Variants in SDK2 observed in about 807,000 individuals in gnomAD.
The protein encoded by SDK2 is protein sidekick-2.
In SDK2, 105 loss-of-function variants were observed where a neutral mutation model predicts 253.9. That is an observed-to-expected ratio of 0.41 (90% CI 0.35 to 0.49). The LOEUF is 0.49. Among genes scored for constraint, SDK2 ranks in the 20% least tolerant of loss-of-function variants. The probability of loss-of-function intolerance (pLI) is 0.06; values close to 1 mark genes in which losing one functional copy is unlikely to be tolerated. For synonymous variants in SDK2, 1,249 were observed against 1,234.9 expected (o/e 1.01, Z -0.24); for missense variants, 2,608 against 3,003.0 (o/e 0.87, Z 3.07).
intron 18 of SDK2, among the ~76,000 whole-genome samples, chr17:73,414,039 TCTC>T (rs2063160065): frequency 2.0e-5 from 3 of 151,652 alleles, no homozygotes; most frequent in Non-Finnish European, 4.4e-5. Context: ...TTCTTCTTTT[TCTC>T]TCTCTCTTCT....
intron 2 of SDK2, among the ~76,000 whole-genome samples, chr17:73,477,374 G>A (rs951460220): frequency 6.6e-6 from 1 of 152,082 alleles, no homozygotes; most frequent in Admixed American, 6.6e-5. Flanking sequence ...GGAGCTGAAG[G>A]GTCCACACCT....
In SDK2 at chr17:73,398,306, G is replaced by C. The variant is rs779417469; in HGVS notation, c.3203+14C>G. 6.2e-7 allele frequency: 1 copy of C among 1,612,892 alleles called. No homozygotes were observed. Among genetic ancestry groups the C allele is most frequent in the Admixed American group, 1.7e-5 (1 of 60,012 alleles). ...CCTGAGGCTGCTGCCTTCTCCCCGG[G>C]CCAGTCTCATTACCTGTAGCAGGTG... On this transcript the variant is annotated intron_variant, in intron 23 of 44. Transcript: ENST00000392650.
intron 36 of SDK2, among the ~76,000 whole-genome samples, chr17:73,373,721 A>T (rs776864960): frequency 6.6e-5 from 10 of 152,074 alleles, no homozygotes; most frequent in South Asian, 2.1e-4. Flanking sequence ...CAGTGGCATG[A>T]TATGGGTTCA....
chr17:73,405,500 ATATATATATATAT>A lies in SDK2; in HGVS notation c.2485-3372_2485-3360del, dbSNP rs1568385719. 8.5e-3 allele frequency among the ~76,000 whole-genome samples: 852 copies of A among 99,816 alleles called. 144 individuals are homozygous for A. The highest frequency in any genetic ancestry group is 0.014 in the Non-Finnish European group (703 of 49,302). The allele number at this position is 99,816 out of a possible 152,430, so 65.5% of individuals were successfully genotyped here. A position where few individuals can be genotyped will look rare whatever the true frequency, so the allele number is the denominator to read the frequency against. ...TATATATATATATATATATATATAT[ATATATATATATAT>A]ATATAAAGATCGAGAATGTGGAAAG... On this transcript the variant is annotated intron_variant, in intron 18 of 44. Transcript: ENST00000392650.
intron 1 of SDK2, among the ~76,000 whole-genome samples, chr17:73,572,280 C>T (rs577087648): frequency 6.6e-6 from 1 of 152,238 alleles, no homozygotes; most frequent in Non-Finnish European, 1.5e-5. Flanking sequence ...TCCCTCCCTC[C>T]CCACTTTGTC....
chr17:73,543,044 A>G (rs2044895486), intron 1 of SDK2, among the ~76,000 whole-genome samples: 1 of 152,160 alleles, frequency 6.6e-6, no homozygotes, highest in African/African-American at 2.4e-5. Context: ...TCCAGGGCGC[A>G]GTTTCCTCAT....
At chr17:73,500,422 C>T (rs1353790815) in intron 2 of SDK2, among the ~76,000 whole-genome samples, 1 of 144,264 alleles carries the variant, frequency 6.9e-6, no homozygotes, top group Non-Finnish European at 1.5e-5. Flanking sequence ...CTTCCATTAT[C>T]CATCATCCTC....
Position 73,337,769 on chromosome 17 carries a change from T to C in SDK2, c.*818A>G, listed in dbSNP as rs2062392204. ...ACCTCTGCTCCCCAGACTTCACCTT[T>C]CCTTGTCCATGCTCAGGAAAGTCAA... On this transcript the variant is annotated 3_prime_UTR_variant, in exon 45 of 45. Transcript: ENST00000392650. 6.6e-6 allele frequency: 1 copy of C among 152,326 alleles called. No homozygotes were observed. The highest frequency in any genetic ancestry group is 6.5e-5 in the Admixed American group (1 of 15,288). The allele number at this position is 152,326 out of a possible 1,614,324, so 9.4% of individuals were successfully genotyped here.
At chr17:73,442,179 T>A (rs1006698919) in intron 5 of SDK2, among the ~76,000 whole-genome samples, 1 of 152,224 alleles carries the variant, frequency 6.6e-6, no homozygotes, top group Non-Finnish European at 1.5e-5. Context: ...CTCCGCCATG[T>A]GAGGACACGG....
At chr17:73,399,423 C>T in intron 21 of SDK2, 134 bp from the exon 22 acceptor site, 1 of 878,296 alleles carries the variant, frequency 1.1e-6, no homozygotes, top group Admixed American at 2.5e-5. Flanking sequence ...ACAGCCACGG[C>T]CCCACTCCAC....
chr17:73,579,215 C>T (rs2145879439), intron 1 of SDK2, among the ~76,000 whole-genome samples: 1 of 152,302 alleles, frequency 6.6e-6, no homozygotes, highest in Admixed American at 6.5e-5. Flanking sequence ...CCGCAGTCTC[C>T]CCAGGCTCTT....
intron 12 of SDK2, among the ~76,000 whole-genome samples, chr17:73,425,242 C>A (rs1247454026): frequency 6.6e-6 from 1 of 151,524 alleles, no homozygotes; most frequent in African/African-American, 2.4e-5. Context: ...AAAGCCCCCC[C>A]AAAAAACAGA....
At chr17:73,506,050 T>G (rs1000409752) in intron 2 of SDK2, among the ~76,000 whole-genome samples, 4 of 152,220 alleles carry the variant, frequency 2.6e-5, no homozygotes, top group African/African-American at 9.6e-5. Context: ...TGCCTCCGGC[T>G]CCCAGCCGGA....
At chr17:73,414,623 G>A in intron 18 of SDK2, 21 bp downstream of exon 18, 3 of 1,570,296 alleles carry the variant, frequency 1.9e-6, no homozygotes, top group Non-Finnish European at 2.6e-6. Context: ...CTCCTCTTGG[G>A]TGAGGAGATG....
chr17:73,489,146 A>T (rs190053128), intron 2 of SDK2, among the ~76,000 whole-genome samples: 2 of 152,348 alleles, frequency 1.3e-5, no homozygotes, highest in East Asian at 3.9e-4. Flanking sequence ...TGGTATCAGC[A>T]GCTGCTTGTG....
At chr17:73,504,463 TA>T (rs11364521) in intron 2 of SDK2, 89,502 of 147,996 alleles carry the variant, frequency 0.6, 27,403 homozygotes, top group Non-Finnish European at 0.66. Context: ...CCGTTTCTAC[TA>T]AAAAAAAAAT....
chr17:73,430,468 C>G (rs1299858470), intron 12 of SDK2, 43 bp downstream of exon 12: 2 of 1,448,710 alleles, frequency 1.4e-6, no homozygotes, highest in African/African-American at 2.8e-5. Context: ...TTGCCAGAGG[C>G]TCCCCCTCCC....
rs114183436 is a variant in SDK2, at chr17:73,545,331, C to A, written c.65-37734G>T. 8.4e-3 allele frequency among the ~76,000 whole-genome samples: 1,279 copies of A among 152,190 alleles called. 8 individuals carry two copies. The highest frequency in any genetic ancestry group is 0.029 in the African/African-American group (1,213 of 41,518). On this transcript the variant is annotated intron_variant, in intron 1 of 44. Coordinates refer to ENST00000392650, the MANE Select transcript of SDK2 (RefSeq NM_001144952.2). ...TGACCCACCCCTACTGTATGTGGTT[C>A]GGGTCCCATGGCAGGAGGGGGACCC...
At chr17:73,432,234 G>A (rs976775805) in intron 10 of SDK2, among the ~76,000 whole-genome samples, 1 of 152,220 alleles carries the variant, frequency 6.6e-6, no homozygotes, top group African/African-American at 2.4e-5. Flanking sequence ...GGAGCCTGGG[G>A]CCCAGCCTGG....
Sources: gnomAD v4.1 joint callset for allele counts (sites outside exome capture counted in the v4.1 genomes callset) on GRCh38, gnomAD v4.1.1 for gene constraint, MANE v1.5 for transcripts, NCBI Gene and HGNC (gene_info 2026-07-23, HGNC 2026-07-21) for gene names.